MCTP1: variants seen among roughly 807,000 people sequenced by gnomAD.
MCTP1 encodes multiple C2 and transmembrane domain-containing protein 1.
MCTP1 carries 69 observed loss-of-function variants against 120.6 expected under a neutral mutation model. That is an observed-to-expected ratio of 0.57 (90% CI 0.47 to 0.70). The LOEUF is 0.70. Ranked by LOEUF, MCTP1 falls within the 30% of genes least tolerant of loss-of-function variation. The pLI, the probability that MCTP1 is intolerant of heterozygous loss-of-function variation, is 0.00. For synonymous variants in MCTP1, 529 were observed against 493.1 expected (o/e 1.07, Z -0.96); for missense variants, 1,203 against 1,248.8 (o/e 0.96, Z 0.55).
chr5:95,010,827 G>A (rs1341170586), intron 2 of MCTP1, among the ~76,000 whole-genome samples: 3 of 152,150 alleles, frequency 2.0e-5, no homozygotes, highest in African/African-American at 4.8e-5. Context: ...CACACACAGT[G>A]AGACCCAGAC....
intron 1 of MCTP1, among the ~76,000 whole-genome samples, chr5:95,026,809 TTGTC>T (rs1166312704): frequency 6.6e-6 from 1 of 152,202 alleles, no homozygotes; most frequent in East Asian, 1.9e-4. Context: ...AGATCTAACT[TTGTC>T]TGTCAATAAA....
At chr5:94,731,799 A>G (rs2152703284) in intron 19 of MCTP1, among the ~76,000 whole-genome samples, 1 of 152,376 alleles carries the variant, frequency 6.6e-6, no homozygotes, top group East Asian at 1.9e-4. Context: ...TGGGGAAAAC[A>G]ATGTTATAAA....
rs561846533 is a variant in MCTP1 at position 95,131,593 on chromosome 5, T to G, written c.721-114109A>C. Among the ~76,000 whole-genome samples, 12 of 152,210 alleles carry G rather than the reference T, an allele frequency of 7.9e-5. No individual in the cohort carries two copies. In the South Asian group the frequency reaches 2.3e-3, roughly 29 times the overall value. ...TCTTATCATCTTTGCTCTGATCTAT[T>G]TTTTTTTCTTTTTTGTCATCGTAGT... On this transcript the variant is annotated intron_variant, in intron 1 of 22. Transcript: ENST00000515393.
At chr5:95,004,305 A>C (rs943721409) in intron 2 of MCTP1, among the ~76,000 whole-genome samples, 1 of 152,192 alleles carries the variant, frequency 6.6e-6, no homozygotes, top group Non-Finnish European at 1.5e-5. Flanking sequence ...TTTAAAAGGG[A>C]AGCAGGGCAT....
rs533684992 is a variant in MCTP1, at chr5:94,743,594, A to T, written c.2611-28708T>A. On this transcript the variant is annotated intron_variant, in intron 19 of 22. Coordinates refer to ENST00000515393, the MANE Select transcript of MCTP1 (RefSeq NM_024717.7). ...GTTGGAATCCAGGCCCAATGTTGCCAGAACTTTCCGTCTTTCAAGAGAAGC... is the reference window on the plus strand; with the variant it reads ...GTTGGAATCCAGGCCCAATGTTGCCTGAACTTTCCGTCTTTCAAGAGAAGC... Among the ~76,000 whole-genome samples the T allele has an allele frequency of 9.9e-5, 15 of 151,166 alleles. No homozygotes were observed. In the South Asian group the frequency reaches 2.1e-3, roughly 21 times the overall value.
intron 19 of MCTP1, among the ~76,000 whole-genome samples, chr5:94,765,194 C>G (rs1246726798): frequency 3.3e-5 from 5 of 151,790 alleles, no homozygotes; most frequent in Admixed American, 2.0e-4. Context: ...TTTCTTATAA[C>G]AAATAAAAAT....
intron 1 of MCTP1, among the ~76,000 whole-genome samples, chr5:95,139,829 C>T (rs1399550480): frequency 6.6e-6 from 1 of 152,136 alleles, no homozygotes; most frequent in Non-Finnish European, 1.5e-5. Context: ...CAGCCTGATG[C>T]ATAGGGCTTA....
At chr5:94,909,408 A>G in intron 9 of MCTP1, 27 bp from the exon 10 acceptor site, 1 of 1,568,112 alleles carries the variant, frequency 6.4e-7, no homozygotes, top group African/African-American at 1.4e-5. Context: ...TAATTGTCAT[A>G]TTGCTAGCAG....
intron 1 of MCTP1, among the ~76,000 whole-genome samples, chr5:95,236,295 T>C (rs1226885436): frequency 1.3e-5 from 2 of 152,234 alleles, no homozygotes; most frequent in African/African-American, 4.8e-5. Flanking sequence ...CTAGTCAAAA[T>C]CTATTCATTC....
At chr5:95,203,830 T>G (rs1389816115) in intron 1 of MCTP1, among the ~76,000 whole-genome samples, 3 of 152,240 alleles carry the variant, frequency 2.0e-5, no homozygotes, top group African/African-American at 2.4e-5. Context: ...TGCCTCTTAA[T>G]GCAAAATTTC....
chr5:94,983,477 G>C (rs1320739223), intron 2 of MCTP1, among the ~76,000 whole-genome samples: 1 of 152,148 alleles, frequency 6.6e-6, no homozygotes, highest in South Asian at 2.1e-4. Flanking sequence ...GTATTGGCTA[G>C]AGGCCTAAGC....
intron 1 of MCTP1, among the ~76,000 whole-genome samples, chr5:95,027,798 T>C (rs1246849989): frequency 6.6e-6 from 1 of 152,318 alleles, no homozygotes; most frequent in African/African-American, 2.4e-5. Context: ...ACAGCTTCAA[T>C]GAGTCCTTGG....
intron 1 of MCTP1, among the ~76,000 whole-genome samples, chr5:95,093,782 A>G (rs1756023314): frequency 6.6e-6 from 1 of 152,136 alleles, no homozygotes; most frequent in African/African-American, 2.4e-5. Flanking sequence ...CTGAATCTAG[A>G]CAGGATTGTG....
chr5:95,270,540 A>G (rs922320787), intron 1 of MCTP1, among the ~76,000 whole-genome samples: 2 of 151,248 alleles, frequency 1.3e-5, no homozygotes, highest in South Asian at 2.1e-4. Context: ...CTCAGGCCAG[A>G]GGCGAGATGG....
chr5:94,708,393 G>A (rs1755438530), intron 22 of MCTP1, 119 bp downstream of exon 22: 2 of 615,956 alleles, frequency 3.2e-6, no homozygotes, highest in Admixed American at 3.0e-5. Context: ...TGCTACACAG[G>A]CTTTATTAAT....
chr5:95,284,785 C>T lies in MCTP1; in HGVS notation c.-210G>A, dbSNP rs893009923. On this transcript the variant is annotated 5_prime_UTR_variant, in exon 1 of 23. Coordinates refer to ENST00000515393, the MANE Select transcript of MCTP1 (RefSeq NM_024717.7). The surrounding 1 kb of genome is among the most constrained non-coding windows in gnomAD (Gnocchi z 5.2). ...GCCGCCGCCGCCGAGGCTCTCTGGC[C>T]TCGGGACTCCGGCGCTGCCTCTTCC... Among the ~76,000 whole-genome samples the T allele has an allele frequency of 6.6e-6, 1 of 152,088 alleles. No homozygotes were observed. The highest frequency in any genetic ancestry group is 6.5e-5 in the Admixed American group (1 of 15,286).
chr5:94,934,044 A>G (rs1946847152), intron 5 of MCTP1, among the ~76,000 whole-genome samples: 1 of 151,792 alleles, frequency 6.6e-6, no homozygotes, highest in South Asian at 2.1e-4. Flanking sequence ...TAACTCTCAA[A>G]ATGACCCTAG....
chr5:94,863,509 T>C (rs542793389), intron 17 of MCTP1, among the ~76,000 whole-genome samples: 1 of 152,000 alleles, frequency 6.6e-6, no homozygotes, highest in Admixed American at 6.6e-5. Context: ...GTAATTATCC[T>C]ACATTTCATT....
intron 5 of MCTP1, among the ~76,000 whole-genome samples, chr5:94,937,853 A>G (rs1816590675): frequency 6.6e-6 from 1 of 152,056 alleles, no homozygotes; most frequent in Admixed American, 6.6e-5. Flanking sequence ...TCGCTGCTAT[A>G]TCATCCCAAT....
Sources: gnomAD v4.1 joint callset for allele counts (sites outside exome capture counted in the v4.1 genomes callset) on GRCh38, gnomAD v4.1.1 for gene constraint, Gnocchi (gnomAD v3.1) non-coding constraint, MANE v1.5 for transcripts, NCBI Gene and HGNC (gene_info 2026-07-23, HGNC 2026-07-21) for gene names.